The following KLHDC1 variants were observed in gnomAD, a reference collection of about 807,000 sequenced individuals.
KLHDC1 encodes the protein kelch domain containing 1, also known as kelch domain-containing protein 1.
A neutral mutation model predicts 68.3 loss-of-function variants in KLHDC1; 53 were observed. The ratio of observed to expected loss-of-function variants is 0.78; its 90% CI spans 0.62 to 0.98. The LOEUF (loss-of-function observed/expected upper bound fraction) is 0.98. KLHDC1 is among the 50% of genes least tolerant of loss of function. The probability of loss-of-function intolerance (pLI) is 0.00; values close to 1 mark genes in which losing one functional copy is unlikely to be tolerated. For synonymous variants in KLHDC1, 148 were observed against 159.0 expected (o/e 0.93, Z 0.52); for missense variants, 470 against 492.3 (o/e 0.95, Z 0.43).
At chr14:49,748,387 A>T (rs1384040835) in intron 12 of KLHDC1, among the ~76,000 whole-genome samples, 3 of 152,224 alleles carry the variant, frequency 2.0e-5, no homozygotes, top group African/African-American at 7.2e-5. Context: ...AGCTGCACAC[A>T]CAACAATTTT....
intron 12 of KLHDC1, among the ~76,000 whole-genome samples, chr14:49,750,206 T>C (rs1889291895): frequency 6.6e-6 from 1 of 152,224 alleles, no homozygotes; most frequent in South Asian, 2.1e-4. Flanking sequence ...GGCCTCCATT[T>C]ATCTGTCTCA....
chr14:49,693,364 C>T, intron 1 of KLHDC1, 74 bp downstream of exon 1: 2 of 1,101,478 alleles, frequency 1.8e-6, no homozygotes, highest in Non-Finnish European at 2.4e-6. Context: ...GCGCCCGCCA[C>T]ACCCGCTCCC....
chr14:49,750,632 T>TA (rs1419347436), intron 12 of KLHDC1, among the ~76,000 whole-genome samples: 1 of 152,228 alleles, frequency 6.6e-6, no homozygotes, highest in Non-Finnish European at 1.5e-5. Context: ...ATGAGTCTGT[T>TA]AAAAAAATTT....
In KLHDC1 at chr14:49,710,210, T is replaced by C. The variant is rs528190564; in HGVS notation, c.286-53T>C. ...TTCTTGGATCACATTCCCTCTGATA[T>C]AGATTTAATTTTTAAATGCCCTGTC... On this transcript the variant is annotated intron_variant, in intron 3 of 12. Transcript: ENST00000359332. 3.3e-5 allele frequency: 31 copies of C among 949,472 alleles called. No individual in the cohort carries two copies. The African/African-American group carries it at 4.2e-4, about 13-fold the overall frequency. 58.8% of individuals were successfully genotyped at this position (949,472 alleles called of 1,614,324 possible).
At position 49,732,700 on chromosome 14, in the gene KLHDC1, A is replaced by G. The variant is rs1466359003; in HGVS notation, c.711-4A>G. ...CCTAGACTTTCTTTTTCTCCTTGCC[A>G]CAGGATTACTATTAATGGAGAAAGC... On this transcript the variant is annotated splice_region_variant and splice_polypyrimidine_tract_variant and intron_variant, in intron 8 of 12. Transcript: ENST00000359332. The G allele has an allele frequency of 2.8e-6, 4 of 1,431,110 alleles. No homozygotes were observed. Among genetic ancestry groups the G allele is most frequent in the Admixed American group, 1.7e-5 (1 of 57,988 alleles). 88.7% of individuals were successfully genotyped at this position (1,431,110 alleles called of 1,614,324 possible).
Position 49,723,858 on chromosome 14 carries a change from C to T in KLHDC1, c.405-16C>T, listed in dbSNP as rs757158570. ...ACAGAATTCCTAAAGTGTGTCATTT[C>T]GTATTTGTTTTTCAGACTAATATAT... is the stretch of plus-strand genomic sequence containing the variant. On this transcript the variant is annotated splice_polypyrimidine_tract_variant and intron_variant, in intron 4 of 12. Transcript: ENST00000359332. 11 of 1,461,828 alleles carry T rather than the reference C, an allele frequency of 7.5e-6. No homozygotes were observed. Among genetic ancestry groups the T allele is most frequent in the Non-Finnish European group, 9.5e-6 (10 of 1,056,298 alleles). The allele number at this position is 1,461,828 out of a possible 1,614,324, so 90.6% of individuals were successfully genotyped here.
chr14:49,748,627 ATTG>A (rs983830655), intron 12 of KLHDC1, among the ~76,000 whole-genome samples: 83 of 152,116 alleles, frequency 5.5e-4, no homozygotes, highest in African/African-American at 1.8e-3. Flanking sequence ...AAATAGCTAT[ATTG>A]TTCTGATTGT....
At chr14:49,735,673 T>A (rs1191928143) in intron 10 of KLHDC1, among the ~76,000 whole-genome samples, 2 of 152,142 alleles carry the variant, frequency 1.3e-5, no homozygotes, top group Non-Finnish European at 2.9e-5. Flanking sequence ...TAGTCCTTGC[T>A]CAGCTACTAC....
rs1889343559 is a variant in KLHDC1, at chr14:49,752,683, C to G, written c.*911C>G. On this transcript the variant is annotated 3_prime_UTR_variant, in exon 13 of 13. Transcript: ENST00000359332. ...TACTCAAGACAGATACTGAAAAAATCTAATACCTTCCCTTGTATTTTCAGC... is the reference window on the plus strand; with the variant it reads ...TACTCAAGACAGATACTGAAAAAATGTAATACCTTCCCTTGTATTTTCAGC... 6.6e-6 allele frequency: 1 copy of G among 152,016 alleles called. No individual in the cohort carries two copies. The highest frequency in any genetic ancestry group is 2.1e-4 in the South Asian group (1 of 4,828). 9.4% of individuals were successfully genotyped at this position (152,016 alleles called of 1,614,324 possible).
intron 1 of KLHDC1, among the ~76,000 whole-genome samples, chr14:49,693,748 C>CTTTTTCTTTTTTTTTTTTTTTTTTTTTTT (rs1555337323): frequency 4.9e-5 from 3 of 61,538 alleles, no homozygotes; most frequent in Non-Finnish European, 1.0e-4. Context: ...TTTTCTTTTT[C>CTTTTTCTTTTTTTTTTTTTTTTTTTTTTT]TTTTTTTTTT....
intron 1 of KLHDC1, 132 bp downstream of exon 1, chr14:49,693,422 C>G: frequency 2.1e-6 from 1 of 486,656 alleles, no homozygotes; most frequent in Non-Finnish European, 3.2e-6. Context: ...AGCCCCCCAG[C>G]CCCTCCGCTG....
intron 8 of KLHDC1, among the ~76,000 whole-genome samples, chr14:49,731,454 TTTTTA>T (rs1888806612): frequency 6.6e-6 from 1 of 152,142 alleles, no homozygotes; most frequent in South Asian, 2.1e-4. Flanking sequence ...AACTTATGCT[TTTTTA>T]TTTTATTTTA....
chr14:49,696,968 G>C (rs1366976859), intron 1 of KLHDC1, among the ~76,000 whole-genome samples: 1 of 147,818 alleles, frequency 6.8e-6, no homozygotes, highest in East Asian at 2.0e-4. Context: ...ACGGAGTCTC[G>C]CTCCATCGCC....
In KLHDC1 at chr14:49,693,144, C is replaced by CGGGCGGGCAGG. The variant is rs1457531351; in HGVS notation, c.-48_-38dup. 1.3e-6 allele frequency: 2 copies of CGGGCGGGCAGG among 1,502,964 alleles called. No individual in the cohort carries two copies. The highest frequency in any genetic ancestry group is 5.4e-5 in the East Asian group (2 of 36,870). 93.1% of individuals were successfully genotyped at this position (1,502,964 alleles called of 1,614,324 possible). On this transcript the variant is annotated 5_prime_UTR_variant, in exon 1 of 13. Transcript: ENST00000359332. ...CAGTCGGGGCTGGAGGCGAGGCCGC[C>CGGGCGGGCAGG]GGGCGGGCAGGGGTTGTGGCGCGGC...
intron 1 of KLHDC1, among the ~76,000 whole-genome samples, chr14:49,707,259 C>G (rs1888073251): frequency 7.0e-6 from 1 of 142,468 alleles, no homozygotes; most frequent in Admixed American, 7.2e-5. Context: ...TAATACAACG[C>G]TTTTCTATTT....
chr14:49,704,586 G>C (rs138686080), intron 1 of KLHDC1, among the ~76,000 whole-genome samples: 4 of 151,830 alleles, frequency 2.6e-5, no homozygotes, highest in African/African-American at 9.7e-5. Context: ...GTAGAGGCCA[G>C]AGTTTCACCA....
chr14:49,726,878 C>T (rs1432281549), intron 6 of KLHDC1, among the ~76,000 whole-genome samples: 1 of 152,178 alleles, frequency 6.6e-6, no homozygotes, highest in East Asian at 1.9e-4. Context: ...CACACTGGCT[C>T]ATTTAGGAGG....
intron 4 of KLHDC1, among the ~76,000 whole-genome samples, chr14:49,718,981 G>T (rs1284735213): frequency 3.3e-5 from 5 of 151,610 alleles, no homozygotes; most frequent in African/African-American, 1.2e-4. Flanking sequence ...GTTTCACCAT[G>T]TTGGCCAAAC....
intron 4 of KLHDC1, among the ~76,000 whole-genome samples, chr14:49,713,800 A>G (rs1227661027): frequency 3.4e-3 from 11 of 3,230 alleles, no homozygotes; most frequent in African/African-American, 0.012. Context: ...GGCAGGAGGT[A>G]TATATATATA....
Sources: allele counts gnomAD v4.1 joint callset (sites outside exome capture counted in the v4.1 genomes callset), GRCh38; gene constraint gnomAD v4.1.1; transcripts MANE v1.5; gene names NCBI Gene and HGNC (gene_info 2026-07-23, HGNC 2026-07-21).